BNC1: variants seen among roughly 807,000 people sequenced by gnomAD.
BNC1 encodes zinc finger protein basonuclin-1.
A neutral mutation model predicts 66.5 loss-of-function variants in BNC1; 8 were observed. The observed-to-expected ratio is 0.12, with a 90% CI of 0.07 to 0.22. BNC1 has a LOEUF of 0.22. BNC1 is among the 10% of genes least tolerant of loss of function. The pLI, the probability that BNC1 is intolerant of heterozygous loss-of-function variation, is 1.00. For synonymous variants in BNC1, 454 were observed against 452.6 expected (o/e 1.00, Z -0.04); for missense variants, 1,069 against 1,241.3 (o/e 0.86, Z 2.09).
Position 83,264,108 on chromosome 15 carries a change from C to T in BNC1, c.1143G>A (p.Leu381=). Residue 381 remains leucine (L), a synonymous_variant, in exon 4 of 5, where the codon TTG becomes TTA. Coordinates refer to ENST00000345382, the MANE Select transcript of BNC1 (RefSeq NM_001717.4). Reference sequence around the variant, plus strand: ...CGATGGTGCACTTATGCTTGATCTTCAAGTGGACGGCATTGTAGTGGATTT... The same window carrying T: ...CGATGGTGCACTTATGCTTGATCTTTAAGTGGACGGCATTGTAGTGGATTT... The part of the protein sequence containing the change: ...TLKIHYNAVH[L]KIKHKCTIEG... The T allele has an allele frequency of 6.2e-7, 1 of 1,614,180 alleles. No homozygotes were observed. The highest frequency in any genetic ancestry group is 8.5e-7 in the Non-Finnish European group (1 of 1,180,032).
In BNC1 at chr15:83,263,456, C is replaced by T. The variant is rs951860695; in HGVS notation, c.1795G>A (p.Gly599Arg). ...EEQHVQSGGL[G>R]KPFPEGERPC... ...CTCTCCCCTTCAGGGAAAGGCTTCCCTAAGCCTCCTGACTGTACATGCTGC... is the reference window on the plus strand; with the variant it reads ...CTCTCCCCTTCAGGGAAAGGCTTCCTTAAGCCTCCTGACTGTACATGCTGC... The change falls in exon 4 of 5, where the codon GGG (glycine) becomes AGG (arginine). Residue 599 changes from glycine to arginine, a missense_variant. By Grantham distance (125) the Gly-to-Arg change is moderately radical (BLOSUM62 -2). Transcript: ENST00000345382. 6.2e-7 allele frequency: 1 copy of T among 1,614,226 alleles called. No individual in the cohort carries two copies.
intron 2 of BNC1, 40 bp downstream of exon 2, chr15:83,268,093 G>GT (rs1567193671): frequency 1.3e-6 from 2 of 1,520,628 alleles, no homozygotes; most frequent in South Asian, 2.3e-5. Flanking sequence ...TTACTTAGAG[G>GT]TAACACTACA....
chr15:83,264,125 A>G lies in BNC1; in HGVS notation c.1126T>C (p.Tyr376His). 2.5e-6 allele frequency: 4 copies of G among 1,614,120 alleles called. No homozygotes were observed. Among genetic ancestry groups the G allele is most frequent in the Non-Finnish European group, 3.4e-6 (4 of 1,180,022 alleles). Reference sequence around the variant, plus strand: ...TTGATCTTCAAGTGGACGGCATTGTAGTGGATTTTGAGGGTGCCTTTGTCA... The same window carrying G: ...TTGATCTTCAAGTGGACGGCATTGTGGTGGATTTTGAGGGTGCCTTTGTCA... Reference protein sequence around the residue: ...FYDKGTLKIHYNAVHLKIKHK... With the variant: ...FYDKGTLKIHHNAVHLKIKHK... Residue 376 changes from tyrosine (Y) to histidine (H), a missense_variant, in exon 4 of 5, where the codon TAC (tyrosine) becomes CAC (histidine). Transcript: ENST00000345382.
At chr15:83,273,046 G>C in intron 1 of BNC1, among the ~76,000 whole-genome samples, 1 of 152,162 alleles carries the variant, frequency 6.6e-6, no homozygotes, top group East Asian at 1.9e-4. Flanking sequence ...GGCAATTTTA[G>C]CTTCAGTTTC....
At chr15:83,276,797 A>T (rs548978583) in intron 1 of BNC1, among the ~76,000 whole-genome samples, 60 of 152,308 alleles carry the variant, frequency 3.9e-4, no homozygotes, top group African/African-American at 1.3e-3. Context: ...ATTATTTAGG[A>T]ATTCTTTTAA....
intron 1 of BNC1, among the ~76,000 whole-genome samples, chr15:83,284,241 G>A (rs1269677112): frequency 8.5e-5 from 13 of 152,160 alleles, no homozygotes; most frequent in Admixed American, 5.9e-4. Flanking sequence ...CCACAGGCTG[G>A]CCCGCCGGCA....
chr15:83,264,889 C>G, intron 3 of BNC1, 74 bp from the exon 4 acceptor site: 1 of 1,451,258 alleles, frequency 6.9e-7, no homozygotes, highest in Non-Finnish European at 9.4e-7. Context: ...ATGTAGTCCA[C>G]TAGACTATGG....
intron 4 of BNC1, among the ~76,000 whole-genome samples, chr15:83,258,483 C>T (rs955444448): frequency 4.2e-4 from 64 of 152,310 alleles, no homozygotes; most frequent in African/African-American, 1.4e-3. Flanking sequence ...TCCCAGGAAG[C>T]TTTCCTTAAC....
At chr15:83,265,680 A>C (rs1385958098) in intron 3 of BNC1, among the ~76,000 whole-genome samples, 1 of 152,184 alleles carries the variant, frequency 6.6e-6, no homozygotes. Flanking sequence ...AGAGGTGAGC[A>C]AACATTTTTA....
chr15:83,257,919 T>A lies in BNC1; in HGVS notation c.2508A>T (p.Gln836His). Residue 836 changes from glutamine to histidine, a missense_variant, in exon 5 of 5, where the codon CAA becomes CAT. Physicochemically the swap from Gln to His is conservative, Grantham distance 24 (BLOSUM62 0). Around this residue, in one of 7 missense-constraint regions of BNC1, gnomAD observed 657 missense variants for 715.8 expected, o/e 0.92. Coordinates refer to ENST00000345382, the MANE Select transcript of BNC1 (RefSeq NM_001717.4). ...AGCTCTCCAGGCTGGCACTGTGGAC[T>A]TGCGTTATTGGGTAAACCAGACTGC... ...RMGSLVYPIT[Q>H]VHSASLESYN... 6.2e-7 allele frequency: 1 copy of A among 1,614,192 alleles called. No homozygotes were observed. The highest frequency in any genetic ancestry group is 8.5e-7 in the Non-Finnish European group (1 of 1,180,008).
At chr15:83,268,917 A>G (rs996464571) in intron 1 of BNC1, among the ~76,000 whole-genome samples, 2 of 152,214 alleles carry the variant, frequency 1.3e-5, no homozygotes, top group Admixed American at 1.3e-4. Flanking sequence ...ATGTCCAACA[A>G]AGTTCCAGTA....
intron 3 of BNC1, among the ~76,000 whole-genome samples, chr15:83,266,274 G>T (rs561886885): frequency 6.8e-6 from 1 of 147,612 alleles, no homozygotes; most frequent in Non-Finnish European, 1.5e-5. Flanking sequence ...AGGGAGGGAG[G>T]GAGACATACA....
At chr15:83,283,105 T>C in intron 1 of BNC1, 3 of 1,296,634 alleles carry the variant, frequency 2.3e-6, no homozygotes, top group Non-Finnish European at 3.1e-6. Flanking sequence ...ACTCACACAA[T>C]TAAGGCTGGG....
chr15:83,263,366 T>C lies in BNC1; in HGVS notation c.1885A>G (p.Thr629Ala). The change falls in exon 4 of 5, where the codon ACA becomes GCA. Residue 629 changes from threonine to alanine, a missense_variant. Coordinates refer to ENST00000345382, the MANE Select transcript of BNC1 (RefSeq NM_001717.4). ...GAISQTPEQA[T>A]HNSERETEQT... ...TCAGTCTCCCTCTCTGAATTGTGTG[T>C]GGCCTGCTCAGGGGTTTGGCTGATG... 1 of 1,614,226 alleles carries C rather than the reference T, an allele frequency of 6.2e-7. No individual in the cohort carries two copies. Among genetic ancestry groups the C allele is most frequent in the Non-Finnish European group, 8.5e-7 (1 of 1,180,034 alleles).
At chr15:83,272,375 C>CA (rs969630427) in intron 1 of BNC1, among the ~76,000 whole-genome samples, 2 of 150,794 alleles carry the variant, frequency 1.3e-5, no homozygotes, top group African/African-American at 4.9e-5. Context: ...GTATTACAGG[C>CA]ATGCACCACC....
chr15:83,283,339 G>C, intron 1 of BNC1: 2 of 1,463,100 alleles, frequency 1.4e-6, no homozygotes, highest in South Asian at 1.4e-5. Flanking sequence ...CGGCGGCGGG[G>C]CTCCGGGTCT....
At chr15:83,274,828 G>A (rs1375909661) in intron 1 of BNC1, among the ~76,000 whole-genome samples, 2 of 152,180 alleles carry the variant, frequency 1.3e-5, no homozygotes, top group Non-Finnish European at 2.9e-5. Flanking sequence ...TTATAGATGA[G>A]GAAGGTAAAG....
chr15:83,257,922 C>T lies in BNC1; in HGVS notation c.2505G>A (p.Thr835=), dbSNP rs1230765578. 1.1e-5 allele frequency: 17 copies of T among 1,614,132 alleles called. No individual in the cohort carries two copies. The highest frequency in any genetic ancestry group is 1.7e-5 in the Admixed American group (1 of 60,010). The stretch of plus-strand genomic sequence containing the variant: ...TCTCCAGGCTGGCACTGTGGACTTG[C>T]GTTATTGGGTAAACCAGACTGCCCA... The part of the protein sequence containing the change: ...SRMGSLVYPI[T]QVHSASLESY... Residue 835 remains threonine, a synonymous_variant, in exon 5 of 5, where the codon ACG becomes ACA. Coordinates refer to ENST00000345382, the MANE Select transcript of BNC1 (RefSeq NM_001717.4).
At position 83,264,425 on chromosome 15, in the gene BNC1, G is replaced by A; in HGVS notation, c.826C>T (p.Pro276Ser). Reference sequence around the variant, plus strand: ...AAGGGCCCATGGACTTCCTGTTTGGGGTCCTGACTTTGGTCATGACCCTGC... The same window carrying A: ...AAGGGCCCATGGACTTCCTGTTTGGAGTCCTGACTTTGGTCATGACCCTGC... ...LEQGHDQSQD[P>S]KQEVHGPFPD... Residue 276 changes from proline to serine, a missense_variant, in exon 4 of 5, where the codon CCC (proline) becomes TCC (serine). Around this residue, in one of 7 missense-constraint regions of BNC1, gnomAD observed 181 missense variants for 181.5 expected, o/e 1.00. Coordinates refer to ENST00000345382, the MANE Select transcript of BNC1 (RefSeq NM_001717.4). The A allele has an allele frequency of 1.9e-6, 3 of 1,614,134 alleles. No homozygotes were observed. The highest frequency in any genetic ancestry group is 2.5e-6 in the Non-Finnish European group (3 of 1,180,026).
Sources: allele counts gnomAD v4.1 joint callset (sites outside exome capture counted in the v4.1 genomes callset), GRCh38; gene constraint gnomAD v4.1.1; regional missense constraint gnomAD v4.1.1; transcripts MANE v1.5; gene names NCBI Gene and HGNC (gene_info 2026-07-23, HGNC 2026-07-21).